CEP250: variants seen among roughly 807,000 people sequenced by gnomAD.
CEP250 encodes the protein centrosomal protein 250.
Under a neutral mutation model 315.7 loss-of-function variants are expected in CEP250, and 242 were observed. The observed-to-expected ratio is 0.77, with a 90% CI of 0.69 to 0.85. The LOEUF is 0.85. Among genes scored for constraint, CEP250 ranks in the 40% least tolerant of loss-of-function variants. The pLI is 0.00. For synonymous variants in CEP250, 1,088 were observed against 1,175.0 expected (o/e 0.93, Z 1.51); for missense variants, 2,515 against 2,886.4 (o/e 0.87, Z 2.95).
At position 35,503,155 on chromosome 20, in the gene CEP250, G is replaced by C. The variant is rs1019920780; in HGVS notation, c.4786G>C (p.Asp1596His). ...AGTGGCTTTGACCCACCTTACGCTG[G>C]ACCTAGAAGAAAGGAGCCAGGAGCT... Reference protein sequence around the residue: ...QRVALTHLTLDLEERSQELQA... With the variant: ...QRVALTHLTLHLEERSQELQA... The change falls in exon 30 of 35, where the codon GAC (aspartate) becomes CAC (histidine). Residue 1596 changes from aspartate (D) to histidine (H), a missense_variant. By Grantham distance (81) the Asp-to-His change is moderately conservative. Transcript: ENST00000397527. This position sits in a 1 kb window ranked among gnomAD's most constrained non-coding sequence, Gnocchi z 4.2. The C allele has an allele frequency of 1.2e-6, 2 of 1,613,962 alleles. No individual in the cohort carries two copies. The highest frequency in any genetic ancestry group is 1.7e-6 in the Non-Finnish European group (2 of 1,180,008).
In CEP250 at chr20:35,475,531, A is replaced by G. The variant is rs531313438; in HGVS notation, c.1601A>G (p.Lys534Arg). The stretch of plus-strand genomic sequence containing the variant: ...GAGATGCTGATGGGCCTGGAAGCCA[A>G]ACAGTCAGAATCACTCAGTGAACTG... ...LQEMLMGLEA[K>R]QSESLSELIT... Residue 534 changes from lysine to arginine, a missense_variant, in exon 15 of 35, where the codon AAA (lysine) becomes AGA (arginine). Transcript: ENST00000397527. 6.2e-7 allele frequency: 1 copy of G among 1,614,166 alleles called. No homozygotes were observed. The highest frequency in any genetic ancestry group is 1.3e-5 in the African/African-American group (1 of 75,058).
Position 35,469,921 on chromosome 20 carries a change from T to A in CEP250, c.883T>A (p.Ser295Thr). Residue 295 changes from serine to threonine, a missense_variant, in exon 10 of 35, where the codon TCT (serine) becomes ACT (threonine). Transcript: ENST00000397527. ...VTELSALLTQ[S>T]QKQNEDYEKM... ...CGAGCTCTCTGCTCTGTTGACCCAG[T>A]CTCAGAAGCAAAATGAAGATTATGA... is the stretch of plus-strand genomic sequence containing the variant. The A allele has an allele frequency of 5.0e-6, 8 of 1,613,830 alleles. No homozygotes were observed. The highest frequency in any genetic ancestry group is 6.8e-6 in the Non-Finnish European group (8 of 1,179,812).
rs2063884531 is a variant in CEP250, at chr20:35,497,809, A to G, written c.3397A>G (p.Ile1133Val). ...GCTGGAGGAGCTGGAGGCGTCTCAT[A>G]TCACGGAGCAGCAGCTGCGAGCCTC... Reference protein sequence around the residue: ...QLLEELEASHITEQQLRASLW... With the variant: ...QLLEELEASHVTEQQLRASLW... Residue 1133 changes from isoleucine (I) to valine (V), a missense_variant, in exon 26 of 35, where the codon ATC becomes GTC. By Grantham distance (29) the Ile-to-Val change is conservative (BLOSUM62 3). Transcript: ENST00000397527. 6.4e-7 allele frequency: 1 copy of G among 1,563,132 alleles called. No individual in the cohort carries two copies. The highest frequency in any genetic ancestry group is 8.7e-7 in the Non-Finnish European group (1 of 1,153,444).
intron 18 of CEP250, 43 bp downstream of exon 18, chr20:35,479,467 G>A: frequency 6.3e-7 from 1 of 1,584,056 alleles, no homozygotes; most frequent in Non-Finnish European, 8.6e-7. Context: ...AGAGAGCTTT[G>A]CAAGGCAAAG....
chr20:35,462,491 C>T lies in CEP250; in HGVS notation c.124C>T (p.Leu42=). The T allele has an allele frequency of 6.2e-7, 1 of 1,609,902 alleles. No homozygotes were observed. Among genetic ancestry groups the T allele is most frequent in the African/African-American group, 1.3e-5 (1 of 74,980 alleles). The change falls in exon 4 of 35, where the codon CTG becomes TTG. Residue 42 remains leucine (L), a synonymous_variant. Transcript: ENST00000397527. ...GAATCAGGCAGCCTCCTGGCGGAAG[C>T]TGAAGAACTCCCAGGAGGCCCAGCA... ...AENQAASWRK[L]KNSQEAQQRQ...
Position 35,503,464 on chromosome 20 carries a change from C to G in CEP250, c.5095C>G (p.Leu1699Val). 1 of 1,614,114 alleles carries G rather than the reference C, an allele frequency of 6.2e-7. No individual in the cohort carries two copies. Among genetic ancestry groups the G allele is most frequent in the East Asian group, 2.2e-5 (1 of 44,888 alleles). ...GTCCTTGAGAGAGCGAGGCCGGGAG[C>G]TGACCACTCAGAGGCAGCTGATGCA... ...KLSLRERGRE[L>V]TTQRQLMQER... The change falls in exon 30 of 35, where the codon CTG becomes GTG. Residue 1699 changes from leucine (L) to valine (V), a missense_variant. Coordinates refer to ENST00000397527, the MANE Select transcript of CEP250 (RefSeq NM_007186.6). The surrounding 1 kb of genome is among the most constrained non-coding windows in gnomAD (Gnocchi z 4.2).
At chr20:35,477,015 A>AT (rs928180884) in intron 16 of CEP250, among the ~76,000 whole-genome samples, 2,064 of 145,438 alleles carry the variant, frequency 0.014, 46 homozygotes, top group African/African-American at 0.047. Flanking sequence ...CACCTGGCTA[A>AT]TTTTTTTTTT....
chr20:35,509,313 C>T (rs1428590587), intron 33 of CEP250, among the ~76,000 whole-genome samples: 1 of 152,116 alleles, frequency 6.6e-6, no homozygotes, highest in Non-Finnish European at 1.5e-5. Flanking sequence ...ACAGGCTGGC[C>T]CGGGAGTGGG....
intron 10 of CEP250, among the ~76,000 whole-genome samples, chr20:35,470,916 C>T (rs2063009807): frequency 6.6e-6 from 1 of 152,186 alleles, no homozygotes; most frequent in Admixed American, 6.5e-5. Flanking sequence ...ATTGGCTTAA[C>T]ATCTGCCAGG....
chr20:35,463,556 C>T lies in CEP250; in HGVS notation c.187-19C>T. 1 of 1,598,578 alleles carries T rather than the reference C, an allele frequency of 6.3e-7. No homozygotes were observed. Among genetic ancestry groups the T allele is most frequent in the Admixed American group, 1.7e-5 (1 of 57,726 alleles). On this transcript the variant is annotated intron_variant, in intron 4 of 34. Coordinates refer to ENST00000397527, the MANE Select transcript of CEP250 (RefSeq NM_007186.6). ...TGCCAGCTGTGTTCATTGCCCAGGG[C>T]CTGTTCTTTTTGCTGCAGGTGCTGC...
chr20:35,474,458 A>G (rs912948157), intron 14 of CEP250, among the ~76,000 whole-genome samples: 32 of 152,218 alleles, frequency 2.1e-4, no homozygotes, highest in African/African-American at 7.7e-4. Context: ...GAGAGAGTAG[A>G]CTTTGAGCTG....
At chr20:35,462,633 A>T (rs561262072) in intron 4 of CEP250, 80 bp downstream of exon 4, 427 of 1,287,712 alleles carry the variant, frequency 3.3e-4, no homozygotes, top group Non-Finnish European at 3.9e-4. Context: ...GGGTTGCAGG[A>T]GGCAGAGTCT....
At position 35,474,037 on chromosome 20, in the gene CEP250, G is replaced by A. The variant is rs115893489; in HGVS notation, c.1556G>A (p.Arg519Gln). The A allele has an allele frequency of 1.3e-6, 2 of 1,569,424 alleles. No individual in the cohort carries two copies. The highest frequency in any genetic ancestry group is 1.7e-6 in the Non-Finnish European group (2 of 1,161,416). Residue 519 changes from arginine to glutamine, a missense_variant, in exon 14 of 35, where the codon CGG (arginine) becomes CAG (glutamine). Coordinates refer to ENST00000397527, the MANE Select transcript of CEP250 (RefSeq NM_007186.6). ...EQQEELHLAV[R>Q]ERERLQEMLM... ...CAGGAGGAGCTGCACCTGGCTGTCC[G>A]GGAGAGGGAGCGTCTGTAAGTGAGA...
intron 32 of CEP250, 74 bp downstream of exon 32, chr20:35,508,264 T>C: frequency 6.6e-7 from 1 of 1,504,562 alleles, no homozygotes; most frequent in Non-Finnish European, 9.1e-7. Context: ...GCTCAGTAAA[T>C]TACAGCCTGT....
Position 35,472,662 on chromosome 20 carries a change from T to C in CEP250, c.1051-11T>C, listed in dbSNP as rs6060432. 2 of 1,613,970 alleles carry C rather than the reference T, an allele frequency of 1.2e-6. No individual in the cohort carries two copies. The highest frequency in any genetic ancestry group is 1.3e-5 in the African/African-American group (1 of 75,040). On this transcript the variant is annotated splice_polypyrimidine_tract_variant and intron_variant, in intron 11 of 34. Coordinates refer to ENST00000397527, the MANE Select transcript of CEP250 (RefSeq NM_007186.6). The stretch of plus-strand genomic sequence containing the variant: ...TCAGTAGGGTGGTGACCTTGCTGTA[T>C]TGGGTTTCAGGTCATGGTGGAAGAA...
Position 35,497,880 on chromosome 20 carries a change from G to A in CEP250, c.3468G>A (p.Leu1156=), listed in dbSNP as rs761547955. Residue 1156 remains leucine (L), a synonymous_variant, in exon 26 of 35, where the codon CTG becomes CTA. Coordinates refer to ENST00000397527, the MANE Select transcript of CEP250 (RefSeq NM_007186.6). ...AGGCAGCCCAACTACAGCTGCGACT[G>A]CGCAGCACAGAGAGCCAGCTAGAAG... ...EAKAAQLQLR[L]RSTESQLEAL... 1 of 1,602,308 alleles carries A rather than the reference G, an allele frequency of 6.2e-7. No homozygotes were observed. The highest frequency in any genetic ancestry group is 1.1e-5 in the South Asian group (1 of 89,324).
At chr20:35,466,466 C>T (rs185779810) in intron 7 of CEP250, among the ~76,000 whole-genome samples, 2 of 152,190 alleles carry the variant, frequency 1.3e-5, no homozygotes, top group East Asian at 1.9e-4. Flanking sequence ...GCAGCAGTGA[C>T]GAGCTTAGGT....
chr20:35,486,728 G>A (rs1050948708), intron 20 of CEP250, among the ~76,000 whole-genome samples: 4 of 152,162 alleles, frequency 2.6e-5, no homozygotes, highest in Non-Finnish European at 5.9e-5. Flanking sequence ...TGCTTTATGT[G>A]TATTTGTAAT....
In CEP250 at chr20:35,467,343, A is replaced by G. The variant is rs2062909642; in HGVS notation, c.639A>G (p.Ser213=). ...MELKAEHVRL[S]GSLLTCCLRL... The stretch of plus-strand genomic sequence containing the variant: ...TAAAAGCTGAGCATGTGAGGCTTTC[A>G]GGGTCTCTGTTGACCTGTTGTCTGC... The change falls in exon 9 of 35, where the codon TCA becomes TCG. Residue 213 remains serine (S), a synonymous_variant. Coordinates refer to ENST00000397527, the MANE Select transcript of CEP250 (RefSeq NM_007186.6). The G allele has an allele frequency of 6.2e-7, 1 of 1,613,980 alleles. No individual in the cohort carries two copies. Among genetic ancestry groups the G allele is most frequent in the Non-Finnish European group, 8.5e-7 (1 of 1,179,980 alleles).
Sources: gnomAD v4.1 joint callset for allele counts (sites outside exome capture counted in the v4.1 genomes callset) on GRCh38, gnomAD v4.1.1 for gene constraint, Gnocchi (gnomAD v3.1) non-coding constraint, MANE v1.5 for transcripts, NCBI Gene and HGNC (gene_info 2026-07-23, HGNC 2026-07-21) for gene names.